Variants in RASGRF2 observed in about 807,000 individuals in gnomAD.
RASGRF2 encodes the protein ras-specific guanine nucleotide-releasing factor 2.
A neutral mutation model predicts 151.0 loss-of-function variants in RASGRF2; 76 were observed. The observed-to-expected ratio is 0.50, with a 90% CI of 0.42 to 0.61. The LOEUF (loss-of-function observed/expected upper bound fraction) is 0.61. Ranked by LOEUF, RASGRF2 falls within the 20% of genes least tolerant of loss-of-function variation. RASGRF2 has a pLI of 0.00. For missense variants in RASGRF2, 1,148 were observed against 1,564.6 expected (o/e 0.73, Z 4.49); for synonymous variants, 504 against 566.5 (o/e 0.89, Z 1.57).
chr5:81,070,525 C>A lies in RASGRF2; in HGVS notation c.577C>A (p.Arg193=), dbSNP rs376557330. The A allele has an allele frequency of 3.1e-6, 5 of 1,610,750 alleles. No individual in the cohort carries two copies. In the Admixed American group the frequency reaches 6.7e-5, roughly 21 times the overall value. The part of the protein sequence containing the change: ...IALNKTKERM[R]PYQSNQEDED... ...TCTTAATAAAACCAAAGAACGAATGCGACCTTACCAAAGCAACCAAGAAGA... is the reference window on the plus strand; with the variant it reads ...TCTTAATAAAACCAAAGAACGAATGAGACCTTACCAAAGCAACCAAGAAGA... The change falls in exon 4 of 27, where the codon CGA becomes AGA. Residue 193 remains arginine, a synonymous_variant. Coordinates refer to ENST00000265080, the MANE Select transcript of RASGRF2 (RefSeq NM_006909.3).
chr5:81,012,008 T>C lies in RASGRF2; in HGVS notation c.289-30869T>C, dbSNP rs993739807. 1.3e-5 allele frequency among the ~76,000 whole-genome samples: 2 copies of C among 152,192 alleles called. 1 individual carries two copies. Among genetic ancestry groups the C allele is most frequent in the African/African-American group, 4.8e-5 (2 of 41,450 alleles). On this transcript the variant is annotated intron_variant, in intron 1 of 26. Coordinates refer to ENST00000265080, the MANE Select transcript of RASGRF2 (RefSeq NM_006909.3). ...ACAACGTTGCTGGTGGCCTGAACTT[T>C]TATAGCAGATCCATGATGCCTGGAG...
chr5:81,180,537 G>A (rs1191216780), intron 18 of RASGRF2, among the ~76,000 whole-genome samples: 1 of 152,096 alleles, frequency 6.6e-6, no homozygotes, highest in Non-Finnish European at 1.5e-5. Flanking sequence ...AGCTTCTGAG[G>A]AAACAGCACT....
intron 17 of RASGRF2, among the ~76,000 whole-genome samples, chr5:81,143,917 T>A (rs1267079918): frequency 1.3e-5 from 2 of 151,782 alleles, no homozygotes; most frequent in African/African-American, 2.4e-5. Context: ...CTAAAAAAAT[T>A]CTGTTTCCTG....
At chr5:81,002,474 A>G (rs1279492011) in intron 1 of RASGRF2, among the ~76,000 whole-genome samples, 1 of 152,188 alleles carries the variant, frequency 6.6e-6, no homozygotes, top group African/African-American at 2.4e-5. Flanking sequence ...TCTGGACAAT[A>G]ATTTGTGGCA....
At chr5:80,989,128 G>A (rs947908313) in intron 1 of RASGRF2, among the ~76,000 whole-genome samples, 3 of 151,872 alleles carry the variant, frequency 2.0e-5, no homozygotes, top group East Asian at 1.9e-4. Flanking sequence ...CAGGCATCAC[G>A]CCTGGCTAAT....
chr5:81,127,272 C>T (rs1490021476), intron 17 of RASGRF2, 109 bp downstream of exon 17: 1 of 1,187,444 alleles, frequency 8.4e-7, no homozygotes, highest in African/African-American at 1.5e-5. Context: ...CACTGGAATC[C>T]CAGCATTTTG....
At chr5:81,198,034 C>G (rs1755306047) in intron 18 of RASGRF2, among the ~76,000 whole-genome samples, 1 of 152,006 alleles carries the variant, frequency 6.6e-6, no homozygotes, top group Non-Finnish European at 1.5e-5. Context: ...TGATACACAT[C>G]TAGAATCCCT....
intron 9 of RASGRF2, 137 bp downstream of exon 9, chr5:81,087,090 C>T (rs1165984305): frequency 6.1e-6 from 5 of 814,652 alleles, no homozygotes; most frequent in African/African-American, 1.7e-5. Flanking sequence ...TTCGCCGAGG[C>T]GGTGGTTGAG....
intron 2 of RASGRF2, among the ~76,000 whole-genome samples, chr5:81,047,162 A>G (rs1174957804): frequency 6.6e-6 from 1 of 152,224 alleles, no homozygotes; most frequent in African/African-American, 2.4e-5. Context: ...AGCATTGGCC[A>G]GGAAATGTTG....
At chr5:81,130,256 C>T (rs540129546) in intron 17 of RASGRF2, among the ~76,000 whole-genome samples, 1 of 152,190 alleles carries the variant, frequency 6.6e-6, no homozygotes, top group South Asian at 2.1e-4. Context: ...GCAGACTGCT[C>T]TTTTATGACA....
At chr5:81,117,899 C>G (rs1464992151) in intron 15 of RASGRF2, among the ~76,000 whole-genome samples, 1 of 152,164 alleles carries the variant, frequency 6.6e-6, no homozygotes, top group Non-Finnish European at 1.5e-5. Flanking sequence ...AGTCTGAAAC[C>G]CAACGGGGCA....
At chr5:81,159,862 C>T (rs1289387690) in intron 17 of RASGRF2, among the ~76,000 whole-genome samples, 1 of 152,188 alleles carries the variant, frequency 6.6e-6, no homozygotes, top group African/African-American at 2.4e-5. Context: ...TCCATGCTAA[C>T]GGCAGTGCCT....
chr5:81,049,101 T>G (rs1255853222), intron 2 of RASGRF2, among the ~76,000 whole-genome samples: 3 of 151,446 alleles, frequency 2.0e-5, no homozygotes, highest in Non-Finnish European at 4.4e-5. Flanking sequence ...ACTTCAACTT[T>G]CTGTTCATAT....
At chr5:81,005,315 C>G (rs2112300605) in intron 1 of RASGRF2, among the ~76,000 whole-genome samples, 1 of 152,216 alleles carries the variant, frequency 6.6e-6, no homozygotes, top group Non-Finnish European at 1.5e-5. Context: ...TTCATGCTGG[C>G]AGGAAGAAGA....
intron 12 of RASGRF2, among the ~76,000 whole-genome samples, chr5:81,103,931 A>G (rs1368896744): frequency 6.6e-6 from 1 of 152,158 alleles, no homozygotes; most frequent in East Asian, 1.9e-4. Flanking sequence ...AACAAATCTT[A>G]AAAGCAGTGT....
In RASGRF2 at chr5:81,073,573, A is replaced by G. The variant is rs570152281; in HGVS notation, c.887+121A>G. 7.6e-6 allele frequency: 8 copies of G among 1,050,518 alleles called. No homozygotes were observed. In the Middle Eastern group the frequency reaches 9.6e-4, roughly 126 times the overall value. 65.1% of individuals were successfully genotyped at this position (1,050,518 alleles called of 1,614,324 possible). On this transcript the variant is annotated intron_variant, in intron 5 of 26. Transcript: ENST00000265080. Reference sequence around the variant, plus strand: ...ATCTCTATTAGTTTATGATAGTAAAAATAAGAAAGCTATTACTTGTGTTCC... The same window carrying G: ...ATCTCTATTAGTTTATGATAGTAAAGATAAGAAAGCTATTACTTGTGTTCC...
At chr5:80,968,837 C>A (rs903755901) in intron 1 of RASGRF2, among the ~76,000 whole-genome samples, 3 of 152,084 alleles carry the variant, frequency 2.0e-5, no homozygotes, top group African/African-American at 7.2e-5. Context: ...ATGTGTGCCA[C>A]CACACCCAGC....
chr5:81,181,690 C>CT (rs1346917751), intron 18 of RASGRF2, among the ~76,000 whole-genome samples: 3 of 152,168 alleles, frequency 2.0e-5, no homozygotes, highest in African/African-American at 7.2e-5. Flanking sequence ...CTGGGGCCCA[C>CT]AGTGGCTTCT....
intron 15 of RASGRF2, among the ~76,000 whole-genome samples, chr5:81,117,796 A>G (rs1580332620): frequency 2.0e-5 from 3 of 152,308 alleles, no homozygotes; most frequent in East Asian, 1.9e-4. Flanking sequence ...TTCCCTTCCA[A>G]CTGTAATATG....
Sources: allele counts gnomAD v4.1 joint callset (sites outside exome capture counted in the v4.1 genomes callset), GRCh38; gene constraint gnomAD v4.1.1; transcripts MANE v1.5; gene names NCBI Gene and HGNC (gene_info 2026-07-23, HGNC 2026-07-21).